SLC25A30: variants seen among roughly 807,000 people sequenced by gnomAD.
SLC25A30 encodes the protein solute carrier family 25 member 30.
In SLC25A30, 29 loss-of-function variants were observed where a neutral mutation model predicts 42.7. The ratio of observed to expected loss-of-function variants is 0.68; its 90% CI spans 0.51 to 0.93. The LOEUF is 0.93. SLC25A30 is among the 40% of genes least tolerant of loss of function. SLC25A30 has a pLI of 0.00. For synonymous variants in SLC25A30, 124 were observed against 131.0 expected (o/e 0.95, Z 0.37); for missense variants, 300 against 359.7 (o/e 0.83, Z 1.34).
In SLC25A30 at chr13:45,399,013, C is replaced by G. The variant is rs376017387; in HGVS notation, c.680G>C (p.Arg227Pro). ...ASNPVDVVRT[R>P]MMNQRVLRDG... ...TCGAAGCACTCTCTGATTCATCATA[C>G]GTGTCCTCACAACATCAACAGGGTT... The change falls in exon 8 of 10, where the codon CGT becomes CCT. Residue 227 changes from arginine (R) to proline (P), a missense_variant. Arg to Pro is a moderately radical substitution (Grantham distance 103). Transcript: ENST00000519676. The G allele has an allele frequency of 6.2e-6, 10 of 1,613,840 alleles. No individual in the cohort carries two copies. The highest frequency in any genetic ancestry group is 7.6e-6 in the Non-Finnish European group (9 of 1,179,972).
intron 1 of SLC25A30, among the ~76,000 whole-genome samples, chr13:45,413,817 T>C (rs1883242354): frequency 1.3e-5 from 2 of 152,300 alleles, no homozygotes; most frequent in South Asian, 4.2e-4. Context: ...CCTCCCAAAG[T>C]GCTGGGATTA....
chr13:45,401,992 G>C (rs967577244), intron 6 of SLC25A30, among the ~76,000 whole-genome samples: 2 of 150,186 alleles, frequency 1.3e-5, no homozygotes, highest in African/African-American at 4.9e-5. Flanking sequence ...CTCAGGAGGT[G>C]GAGGTTGCAG....
chr13:45,394,202 A>G lies in SLC25A30; in HGVS notation c.*1772T>C. The G allele has an allele frequency of 1.0e-6, 1 of 985,342 alleles. No individual in the cohort carries two copies. The highest frequency in any genetic ancestry group is 4.7e-5 in the South Asian group (1 of 21,280). 61.0% of individuals were successfully genotyped at this position (985,342 alleles called of 1,614,324 possible). A position where few individuals can be genotyped will look rare whatever the true frequency, so the allele number is the denominator to read the frequency against. Reference sequence around the variant, plus strand: ...GTTGCCCAGGGAGAGCTGGACTTTCATCTGAGTCTCAGCAATTAACAGGTA... The same window carrying G: ...GTTGCCCAGGGAGAGCTGGACTTTCGTCTGAGTCTCAGCAATTAACAGGTA... On this transcript the variant is annotated 3_prime_UTR_variant, in exon 10 of 10. Transcript: ENST00000519676.
intron 3 of SLC25A30, among the ~76,000 whole-genome samples, chr13:45,406,257 A>G (rs1170389328): frequency 6.6e-6 from 1 of 151,968 alleles, no homozygotes; most frequent in Non-Finnish European, 1.5e-5. Context: ...TAATTTTTGT[A>G]TTTTTAGTAG....
At chr13:45,402,687 C>T (rs1882114290) in intron 5 of SLC25A30, 9 of 784,050 alleles carry the variant, frequency 1.1e-5, no homozygotes, top group Non-Finnish European at 1.4e-5. Flanking sequence ...AGCATACTTC[C>T]CTACTACTAT....
upstream of SLC25A30, among the ~76,000 whole-genome samples, chr13:45,423,359 A>C (rs1883942012): frequency 6.6e-6 from 1 of 151,218 alleles, no homozygotes; most frequent in Admixed American, 6.7e-5. Flanking sequence ...AGCTGTACTT[A>C]GAAATCTGGT....
At chr13:45,426,951 G>C in the SLC25A30 span, among the ~76,000 whole-genome samples, 1 of 152,076 alleles carries the variant, frequency 6.6e-6, no homozygotes, top group Admixed American at 6.6e-5. Context: ...TTAGTACTAT[G>C]GGTTTGATTT....
chr13:45,426,292 G>T, the SLC25A30 span, among the ~76,000 whole-genome samples: 2 of 151,550 alleles, frequency 1.3e-5, no homozygotes, highest in African/African-American at 4.8e-5. Flanking sequence ...TCACCATGTT[G>T]GCTAGGATGG....
rs1364497422 is a variant in SLC25A30, at chr13:45,393,909, C to G, written c.*2065G>C. On this transcript the variant is annotated 3_prime_UTR_variant, in exon 10 of 10. Transcript: ENST00000519676. Reference sequence around the variant, plus strand: ...TGGTAATAATACTGTCTGACATTCGCTCTTTACATGGTCATTAAAATGAAT... The same window carrying G: ...TGGTAATAATACTGTCTGACATTCGGTCTTTACATGGTCATTAAAATGAAT... 1.0e-6 allele frequency: 1 copy of G among 985,302 alleles called. No homozygotes were observed. Among genetic ancestry groups the G allele is most frequent in the East Asian group, 1.1e-4 (1 of 8,816 alleles). The allele number at this position is 985,302 out of a possible 1,614,324, so 61.0% of individuals were successfully genotyped here.
intron 6 of SLC25A30, 21 bp downstream of exon 6, chr13:45,402,254 C>T (rs374364011): frequency 1.0e-4 from 158 of 1,563,684 alleles, no homozygotes; most frequent in Admixed American, 2.4e-4. Flanking sequence ...TAAATCAGTT[C>T]GATCCATCCT....
chr13:45,395,753 G>T lies in SLC25A30; in HGVS notation c.*221C>A. 3 of 1,422,242 alleles carry T rather than the reference G, an allele frequency of 2.1e-6. No individual in the cohort carries two copies. The highest frequency in any genetic ancestry group is 3.0e-5 in the South Asian group (2 of 66,422). 88.1% of individuals were successfully genotyped at this position (1,422,242 alleles called of 1,614,324 possible). On this transcript the variant is annotated 3_prime_UTR_variant, in exon 10 of 10. Transcript: ENST00000519676. ...CTTTGATGTTGAAGGGCACTTCAGT[G>T]GTAAAGACTAGTGTTTGGATGTTAG...
the SLC25A30 span, among the ~76,000 whole-genome samples, chr13:45,430,262 G>A: frequency 6.6e-6 from 1 of 152,076 alleles, no homozygotes; most frequent in Admixed American, 6.6e-5. Flanking sequence ...GCGTGAATAT[G>A]TGCAAGTGTG....
chr13:45,400,671 A>T lies in SLC25A30; in HGVS notation c.614+412T>A, dbSNP rs551307177. On this transcript the variant is annotated intron_variant, in intron 7 of 9. Transcript: ENST00000519676. ...ACCACCATGCCCAGCTAATTTTTTA[A>T]TTTTTTGTAGAAATGGGGCCTCATT... Among the ~76,000 whole-genome samples, 324 of 151,908 alleles carry T rather than the reference A, an allele frequency of 2.1e-3. 2 individuals carry two copies. Among genetic ancestry groups the T allele is most frequent in the Non-Finnish European group, 3.8e-3 (261 of 67,936 alleles).
chr13:45,403,095 T>C (rs1882154843), intron 5 of SLC25A30, among the ~76,000 whole-genome samples: 2 of 152,206 alleles, frequency 1.3e-5, no homozygotes, highest in African/African-American at 4.8e-5. Context: ...TAAACCAAGA[T>C]ACAGGAACTG....
At chr13:45,423,748 A>AAATATATATG in the SLC25A30 span, among the ~76,000 whole-genome samples, 1 of 78,580 alleles carries the variant, frequency 1.3e-5, no homozygotes, top group East Asian at 3.8e-4. Flanking sequence ...ATAAATATAT[A>AAATATATATG]AATATATATA....
chr13:45,430,730 C>A, the SLC25A30 span, among the ~76,000 whole-genome samples: 1 of 152,090 alleles, frequency 6.6e-6, no homozygotes, highest in African/African-American at 2.4e-5. Flanking sequence ...TCACTTGAGC[C>A]CAGGAGGTAG....
chr13:45,423,612 T>A, the SLC25A30 span, among the ~76,000 whole-genome samples: 60 of 102,880 alleles, frequency 5.8e-4, 9 homozygotes, highest in Non-Finnish European at 9.8e-4. Context: ...TATAAATATA[T>A]ATAAAATATA....
intron 1 of SLC25A30, among the ~76,000 whole-genome samples, chr13:45,416,687 C>G (rs1883567408): frequency 6.6e-6 from 1 of 152,102 alleles, no homozygotes; most frequent in African/African-American, 2.4e-5. Context: ...GGAAGGGGCA[C>G]ATAAGCCCAG....
At chr13:45,418,066 G>C (rs1883693515) in intron 1 of SLC25A30, 1 of 152,890 alleles carries the variant, frequency 6.5e-6, no homozygotes, top group African/African-American at 2.4e-5. Flanking sequence ...CGCGGCACCG[G>C]CCCGACCCAA....
Sources: gnomAD v4.1 joint callset for allele counts (sites outside exome capture counted in the v4.1 genomes callset) on GRCh38, gnomAD v4.1.1 for gene constraint, MANE v1.5 for transcripts, NCBI Gene and HGNC (gene_info 2026-07-23, HGNC 2026-07-21) for gene names.